The following DNAJC10 variants were observed in gnomAD, a reference collection of about 807,000 sequenced individuals.
DNAJC10 encodes DnaJ heat shock protein family (Hsp40) member C10.
DNAJC10 carries 101 observed loss-of-function variants against 115.0 expected under a neutral mutation model. The ratio of observed to expected loss-of-function variants is 0.88; its 90% confidence interval spans 0.75 to 1.04. The LOEUF is 1.04. Ranked by LOEUF, DNAJC10 falls within the 50% of genes least tolerant of loss-of-function variation. DNAJC10 has a pLI of 0.00. For missense variants in DNAJC10, 981 were observed against 928.8 expected, an observed-to-expected ratio of 1.06 and a Z score of -0.73; for synonymous variants, 307 against 301.5, an observed-to-expected ratio of 1.02 and a Z score of -0.19.
chr2:182,754,745 T>TA (rs1694113991), intron 16 of DNAJC10: 10 of 1,175,806 alleles, frequency 8.5e-6, no homozygotes, highest in Non-Finnish European at 1.1e-5. Flanking sequence ...CATGCCGATT[T>TA]CTCAATGTTT....
At chr2:182,735,887 CTTAAACAGTAGTTTGGT>C (rs1467821642) in intron 10 of DNAJC10, among the ~76,000 whole-genome samples, 1 of 152,078 alleles carries the variant, frequency 6.6e-6, no homozygotes, top group Non-Finnish European at 1.5e-5. Context: ...AATGAAAAAT[CTTAAACAGTAGTTTGGT>C]TTATTTTCTT....
At position 182,791,573 on chromosome 2, in the gene DNAJC10, A is replaced by G. The variant is rs540484243; in HGVS notation, c.*14441A>G. On this transcript the variant is annotated 3_prime_UTR_variant, in exon 24 of 24. Transcript: ENST00000264065. ...TGGTCAAAACTTTTTCAGTTTAATGAGTTTCAAGATATTCTTCAAACTGGC... is the reference window on the plus strand; with the variant it reads ...TGGTCAAAACTTTTTCAGTTTAATGGGTTTCAAGATATTCTTCAAACTGGC... The G allele has an allele frequency of 3.2e-4, 49 of 152,296 alleles. No homozygotes were observed. Among genetic ancestry groups the G allele is most frequent in the African/African-American group, 1.2e-3 (48 of 41,584 alleles). The allele number at this position is 152,296 out of a possible 1,614,324, so 9.4% of individuals were successfully genotyped here. A position where few individuals can be genotyped will look rare whatever the true frequency, so the allele number is the denominator to read the frequency against.
intron 5 of DNAJC10, among the ~76,000 whole-genome samples, chr2:182,723,130 C>T (rs893276051): frequency 3.3e-5 from 5 of 151,314 alleles, no homozygotes; most frequent in Non-Finnish European, 7.4e-5. Flanking sequence ...ACCTCTGCCC[C>T]CTGGGTTCAA....
At chr2:182,766,482 C>T (rs951789612) in intron 22 of DNAJC10, among the ~76,000 whole-genome samples, 1 of 152,126 alleles carries the variant, frequency 6.6e-6, no homozygotes, top group African/African-American at 2.4e-5. Flanking sequence ...GAATCACTAA[C>T]TATATTTATG....
chr2:182,766,280 A>G (rs1373738768), intron 22 of DNAJC10, among the ~76,000 whole-genome samples: 1 of 152,212 alleles, frequency 6.6e-6, no homozygotes, highest in Non-Finnish European at 1.5e-5. Context: ...ATACTAGAGC[A>G]TCACCTTGAG....
chr2:182,775,280 A>T, intron 22 of DNAJC10, 36 bp from the exon 23 acceptor site: 1 of 1,284,766 alleles, frequency 7.8e-7, no homozygotes, highest in Non-Finnish European at 1.1e-6. Context: ...TGTTTTTATT[A>T]AATACTTAAA....
chr2:182,722,102 A>T (rs780876293), intron 5 of DNAJC10, 27 bp downstream of exon 5: 8 of 1,485,662 alleles, frequency 5.4e-6, no homozygotes, highest in Non-Finnish European at 7.4e-6. Context: ...AAGGTTTTAT[A>T]AAACTAATAC....
chr2:182,721,126 CATTA>C (rs1271078894), intron 4 of DNAJC10, among the ~76,000 whole-genome samples: 1 of 152,096 alleles, frequency 6.6e-6, no homozygotes, highest in Non-Finnish European at 1.5e-5. Flanking sequence ...TTCTCCTAGT[CATTA>C]ATTAACCTCA....
chr2:182,735,757 C>T (rs1311624899), intron 10 of DNAJC10, among the ~76,000 whole-genome samples: 1 of 152,038 alleles, frequency 6.6e-6, no homozygotes, highest in East Asian at 1.9e-4. Context: ...TTTTGGAGCT[C>T]ACTAAAGGAT....
chr2:182,781,874 T>G lies in DNAJC10; in HGVS notation c.*4742T>G, dbSNP rs1233225118. Reference sequence around the variant, plus strand: ...TTAGCCCTTTGTCAGATGGATAGATTGCAAAAAGTTTCTCCCATTCTGTAG... The same window carrying G: ...TTAGCCCTTTGTCAGATGGATAGATGGCAAAAAGTTTCTCCCATTCTGTAG... On this transcript the variant is annotated 3_prime_UTR_variant, in exon 24 of 24. Transcript: ENST00000264065. 2 of 152,192 alleles carry G rather than the reference T, an allele frequency of 1.3e-5. No individual in the cohort carries two copies. Among genetic ancestry groups the G allele is most frequent in the Non-Finnish European group, 2.9e-5 (2 of 68,018 alleles). 9.4% of individuals were successfully genotyped at this position (152,192 alleles called of 1,614,324 possible).
In DNAJC10 at chr2:182,788,570, AG is replaced by A. The variant is rs765297610; in HGVS notation, c.*11439del. 1.2e-5 allele frequency: 3 copies of A among 249,218 alleles called. No homozygotes were observed. Among genetic ancestry groups the A allele is most frequent in the African/African-American group, 2.3e-5 (1 of 43,540 alleles). The allele number at this position is 249,218 out of a possible 1,614,324, so 15.4% of individuals were successfully genotyped here. A position where few individuals can be genotyped will look rare whatever the true frequency, so the allele number is the denominator to read the frequency against. On this transcript the variant is annotated 3_prime_UTR_variant, in exon 24 of 24. Coordinates refer to ENST00000264065, the MANE Select transcript of DNAJC10 (RefSeq NM_018981.4). ...CTTGGAAATAAGGATGGACAGTTTA[AG>A]TACTTATCTCAAAAGGAAAAATGTT...
Position 182,780,702 on chromosome 2 carries a change from C to CACTT in DNAJC10, c.*3572_*3575dup, listed in dbSNP as rs1038731230. The CACTT allele has an allele frequency of 1.1e-4, 17 of 152,098 alleles. No homozygotes were observed. The highest frequency in any genetic ancestry group is 3.9e-4 in the African/African-American group (16 of 41,424). The allele number at this position is 152,098 out of a possible 1,614,324, so 9.4% of individuals were successfully genotyped here. On this transcript the variant is annotated 3_prime_UTR_variant, in exon 24 of 24. Transcript: ENST00000264065. ...ATTTTTCTGTTTAACACTGAATTTA[C>CACTT]ACTTAGATTCTTGTACTGTCACTGA...
At position 182,740,187 on chromosome 2, in the gene DNAJC10, C is replaced by T. The variant is rs1693695837; in HGVS notation, c.988-112C>T. On this transcript the variant is annotated intron_variant, in intron 11 of 23. Coordinates refer to ENST00000264065, the MANE Select transcript of DNAJC10 (RefSeq NM_018981.4). ...TTGGAATTGTTTGAAAAACTATTTA[C>T]CTTCTATAATCATTTTCCTAAAAAT... 3.4e-6 allele frequency: 4 copies of T among 1,159,984 alleles called. No homozygotes were observed. The South Asian group carries it at 1.1e-4, about 32-fold the overall frequency. 71.9% of individuals were successfully genotyped at this position (1,159,984 alleles called of 1,614,324 possible).
intron 14 of DNAJC10, among the ~76,000 whole-genome samples, chr2:182,746,083 C>A (rs1693857869): frequency 2.0e-5 from 3 of 152,208 alleles, no homozygotes; most frequent in African/African-American, 7.2e-5. Context: ...TTTTTTATGG[C>A]TGCATAGTAT....
intron 20 of DNAJC10, 52 bp from the exon 21 acceptor site, chr2:182,759,108 A>G (rs1042069545): frequency 2.1e-6 from 3 of 1,446,050 alleles, no homozygotes; most frequent in African/African-American, 2.9e-5. Flanking sequence ...TGCATTTCAT[A>G]TGTTTGCTTT....
chr2:182,752,321 C>A, intron 16 of DNAJC10, 133 bp downstream of exon 16: 1 of 469,324 alleles, frequency 2.1e-6, no homozygotes, highest in Non-Finnish European at 3.5e-6. Flanking sequence ...ATTATTTAAA[C>A]AAAATAATAT....
intron 13 of DNAJC10, 73 bp from the exon 14 acceptor site, chr2:182,743,525 G>A: frequency 1.8e-6 from 2 of 1,104,782 alleles, no homozygotes; most frequent in East Asian, 4.7e-5. Flanking sequence ...GCCATTTTTG[G>A]ATTATCATGA....
chr2:182,754,079 A>G (rs1694095802), intron 16 of DNAJC10, among the ~76,000 whole-genome samples: 1 of 152,202 alleles, frequency 6.6e-6, no homozygotes, highest in Non-Finnish European at 1.5e-5. Context: ...TAATTTATAC[A>G]GTGGGTTTTA....
At chr2:182,724,484 A>C (rs1235005720) in intron 5 of DNAJC10, among the ~76,000 whole-genome samples, 8 of 152,182 alleles carry the variant, frequency 5.3e-5, no homozygotes, top group African/African-American at 1.9e-4. Flanking sequence ...TAAAATAAAA[A>C]TTTCAGAAAT....
Sources: allele counts gnomAD v4.1 joint callset (sites outside exome capture counted in the v4.1 genomes callset), GRCh38; gene constraint gnomAD v4.1.1; transcripts MANE v1.5; gene names NCBI Gene and HGNC (gene_info 2026-07-23, HGNC 2026-07-21).